Variants in RGL3 observed in about 807,000 individuals in gnomAD.
RGL3 encodes the protein ral guanine nucleotide dissociation stimulator like 3, also known as ral guanine nucleotide dissociation stimulator-like 3.
A neutral mutation model predicts 90.6 loss-of-function variants in RGL3; 85 were observed. That is an observed-to-expected ratio of 0.94 (90% CI 0.79 to 1.12). The LOEUF (loss-of-function observed/expected upper bound fraction) is 1.12. Ranked by LOEUF, RGL3 falls within the 50% of genes most tolerant of loss-of-function variation. The pLI is 0.00. For synonymous variants in RGL3, 408 were observed against 385.5 expected, an observed-to-expected ratio of 1.06 and a Z score of -0.68; for missense variants, 1,034 against 939.2, an observed-to-expected ratio of 1.10 and a Z score of -1.32.
rs774071925 is a variant in RGL3, at chr19:11,416,626, T to A, written c.413A>T (p.Asn138Ile). The change falls in exon 4 of 19, where the codon AAC (asparagine) becomes ATC (isoleucine). Residue 138 changes from asparagine to isoleucine, a missense_variant. Coordinates refer to ENST00000380456, the MANE Select transcript of RGL3 (RefSeq NM_001035223.4). ...KKTAVQDLSFNKNLRAVVSVL... is the reference protein window; with the variant it reads ...KKTAVQDLSFIKNLRAVVSVL... ...ATGAAGGACCCACCTCAGGTTCTTG[T>A]TGAAGCTCAGATCTTGTACCGCTGT... is the stretch of plus-strand genomic sequence containing the variant. 8.2e-5 allele frequency: 133 copies of A among 1,614,042 alleles called. 1 individual carries two copies. In the Admixed American group the frequency reaches 2.2e-3, roughly 27 times the overall value.
chr19:11,416,743 G>A lies in RGL3; in HGVS notation c.372-76C>T, dbSNP rs751602684. 11 of 1,589,454 alleles carry A rather than the reference G, an allele frequency of 6.9e-6. No individual in the cohort carries two copies. In the Admixed American group the frequency reaches 1.3e-4, roughly 19 times the overall value. ...TAGGAAGAGGGCTCTGGGTCTGGGA[G>A]GTGTTTCCAGGTTCCACACCTGAGG... On this transcript the variant is annotated intron_variant, in intron 3 of 18. Coordinates refer to ENST00000380456, the MANE Select transcript of RGL3 (RefSeq NM_001035223.4).
chr19:11,411,897 G>A (rs531729905), intron 5 of RGL3, among the ~76,000 whole-genome samples: 1 of 152,302 alleles, frequency 6.6e-6, no homozygotes, highest in East Asian at 1.9e-4. Flanking sequence ...TCGCCAGCAG[G>A]AGCCTCTGCA....
chr19:11,398,574 G>A (rs1968616825), intron 16 of RGL3, among the ~76,000 whole-genome samples: 2 of 152,080 alleles, frequency 1.3e-5, no homozygotes, highest in African/African-American at 4.8e-5. Context: ...TCAAATTCCT[G>A]GCCTCAAGTG....
At chr19:11,402,284 G>A (rs953820328) in intron 11 of RGL3, 37 bp from the exon 12 acceptor site, 1 of 1,611,250 alleles carries the variant, frequency 6.2e-7, no homozygotes, top group Non-Finnish European at 8.5e-7. Flanking sequence ...AGCACCCAGG[G>A]TCAAGGGTCA....
Position 11,419,255 on chromosome 19 carries a change from C to A in RGL3, c.24G>T (p.Glu8Asp). MERTAGKELALAPLQDWG... is the reference protein window; with the variant it reads MERTAGKDLALAPLQDWG... ...TCCCTTGTCCCCTTACCAGGGCCAG[C>A]TCTTTGCCTGCTGTGCGCTCCATGG... Residue 8 changes from glutamate (E) to aspartate (D), a missense_variant, in exon 1 of 19, where the codon GAG becomes GAT. Physicochemically the swap from Glu to Asp is conservative, Grantham distance 45. Coordinates refer to ENST00000380456, the MANE Select transcript of RGL3 (RefSeq NM_001035223.4). 1.3e-6 allele frequency: 2 copies of A among 1,592,898 alleles called. No homozygotes were observed. The highest frequency in any genetic ancestry group is 1.1e-5 in the South Asian group (1 of 89,024).
Position 11,406,554 on chromosome 19 carries a change from G to A in RGL3, c.861C>T (p.Ala287=), listed in dbSNP as rs543512974. ...CCACGGTGGCGCGCACAGTGGGGGA[G>A]GCGCCTGCAGCCCCCGGCCGGTCCC... ...SQRDRPGAAG[A]SPTVRATVAQ... Residue 287 remains alanine (A), a synonymous_variant, in exon 7 of 19, where the codon GCC becomes GCT. Coordinates refer to ENST00000380456, the MANE Select transcript of RGL3 (RefSeq NM_001035223.4). 193 of 1,550,004 alleles carry A rather than the reference G, an allele frequency of 1.2e-4. 1 individual carries two copies. In the South Asian group the frequency reaches 2.1e-3, roughly 17 times the overall value.
chr19:11,402,089 C>T lies in RGL3; in HGVS notation c.1406G>A (p.Cys469Tyr), dbSNP rs1968686384. Residue 469 changes from cysteine (C) to tyrosine (Y), a missense_variant, in exon 13 of 19, where the codon TGT (cysteine) becomes TAT (tyrosine). Physicochemically the swap from Cys to Tyr is radical, Grantham distance 194. Transcript: ENST00000380456. ...GTGGGGGCTCAGGGTGTAGCTCTGA[C>T]AGCGCCTCTGCAGCTGCTGGATGCG... ...LARIQQLQRR[C>Y]QSYTLSPHPP... 3 of 1,594,954 alleles carry T rather than the reference C, an allele frequency of 1.9e-6. No individual in the cohort carries two copies. In the South Asian group the frequency reaches 3.4e-5, roughly 18 times the overall value.
At chr19:11,402,778 C>A in intron 9 of RGL3, 72 bp from the exon 10 acceptor site, 1 of 1,308,516 alleles carries the variant, frequency 7.6e-7, no homozygotes, top group Non-Finnish European at 1.1e-6. Flanking sequence ...TGCCTGCAGA[C>A]CCATCATATA....
rs117928291 is a variant in RGL3 at position 11,416,584 on chromosome 19, C to T, written c.425+30G>A. ...CTTTGACCTCTTGGATTTCCCTCCC[C>T]GCACTCCCCTATCTGGATGAAGGAC... On this transcript the variant is annotated intron_variant, in intron 4 of 18. Coordinates refer to ENST00000380456, the MANE Select transcript of RGL3 (RefSeq NM_001035223.4). 1,480 of 1,608,174 alleles carry T rather than the reference C, an allele frequency of 9.2e-4. 4 individuals carry two copies. Among genetic ancestry groups the T allele is most frequent in the Non-Finnish European group, 1.2e-3 (1,380 of 1,174,662 alleles).
Position 11,400,040 on chromosome 19 carries a change from C to T in RGL3, c.1649G>A (p.Ser550Asn), listed in dbSNP as rs1359389839. ...TCCCATCACCAAGCAGAATGCTCAC[C>T]TGGAGGTGGGGGATGAGGGGTCCCC... ...SPGDPSSPTS[S>N]VSPGSPPSSP... The change falls in exon 15 of 19, where the codon AGT becomes AAT. Residue 550 changes from serine (S) to asparagine (N), a missense_variant and splice_region_variant. Physicochemically the swap from Ser to Asn is conservative, Grantham distance 46 (BLOSUM62 1). Transcript: ENST00000380456. The T allele has an allele frequency of 5.0e-6, 8 of 1,605,298 alleles. No individual in the cohort carries two copies. Among genetic ancestry groups the T allele is most frequent in the Non-Finnish European group, 5.9e-6 (7 of 1,177,396 alleles).
Position 11,405,181 on chromosome 19 carries a change from T to C in RGL3, c.1151A>G (p.Asn384Ser), listed in dbSNP as rs1247429514. 4 of 1,614,102 alleles carry C rather than the reference T, an allele frequency of 2.5e-6. No homozygotes were observed. Among genetic ancestry groups the C allele is most frequent in the African/African-American group, 1.3e-5 (1 of 75,028 alleles). ...RKLSQIFSDENNHLSSREILF... is the reference protein window; with the variant it reads ...RKLSQIFSDESNHLSSREILF... Reference sequence around the variant, plus strand: ...AATCTCTCTGCTGCTGAGGTGGTTGTTCTCATCGGAGAAAATCTGCGAAAG... The same window carrying C: ...AATCTCTCTGCTGCTGAGGTGGTTGCTCTCATCGGAGAAAATCTGCGAAAG... The change falls in exon 9 of 19, where the codon AAC becomes AGC. Residue 384 changes from asparagine to serine, a missense_variant. Transcript: ENST00000380456.
In RGL3 at chr19:11,397,524, G is replaced by A. The variant is rs371910024; in HGVS notation, c.1820C>T (p.Pro607Leu). 150 of 1,613,056 alleles carry A rather than the reference G, an allele frequency of 9.3e-5. No homozygotes were observed. The highest frequency in any genetic ancestry group is 7.3e-4 in the African/African-American group (55 of 74,914). ...ACGGGCCTCCGAGCTCTGCTGCGCC[G>A]GGAGGGGGATTCGAGGGCTGCCCAG... ...LPLGSPRIPL[P>L]AQQSSEARVI... The change falls in exon 17 of 19, where the codon CCG becomes CTG. Residue 607 changes from proline (P) to leucine (L), a missense_variant. By Grantham distance (98) the Pro-to-Leu change is moderately conservative (BLOSUM62 -3). Coordinates refer to ENST00000380456, the MANE Select transcript of RGL3 (RefSeq NM_001035223.4).
Position 11,400,311 on chromosome 19 carries a change from A to G in RGL3, c.1485-14T>C. On this transcript the variant is annotated splice_polypyrimidine_tract_variant and intron_variant, in intron 13 of 18. Transcript: ENST00000380456. Reference sequence around the variant, plus strand: ...GAGAGCCGGTAGCTGAGGGGTCAATATGTGGATGAGGTGGTGGGGGCAGGA... The same window carrying G: ...GAGAGCCGGTAGCTGAGGGGTCAATGTGTGGATGAGGTGGTGGGGGCAGGA... The G allele has an allele frequency of 6.4e-7, 1 of 1,563,310 alleles. No homozygotes were observed. Among genetic ancestry groups the G allele is most frequent in the South Asian group, 1.2e-5 (1 of 83,742 alleles).
At chr19:11,407,096 C>T (rs1968798256) in intron 5 of RGL3, among the ~76,000 whole-genome samples, 1 of 151,996 alleles carries the variant, frequency 6.6e-6, no homozygotes, top group African/African-American at 2.4e-5. Context: ...AGTGATTCTC[C>T]TGCCTCAGCC....
Position 11,397,263 on chromosome 19 carries a change from T to C in RGL3, c.1995A>G (p.Gln665=). The change falls in exon 18 of 19, where the codon CAA becomes CAG. Residue 665 remains glutamine (Q), a synonymous_variant. Coordinates refer to ENST00000380456, the MANE Select transcript of RGL3 (RefSeq NM_001035223.4). ...QPWACDYQLF[Q]VLPGDRVLLI... ...GCTCACCCCGGTCCCCAGGAAGGAC[T>C]TGAAAGAGCTGATAGTCACAGGCCC... 1 of 1,613,948 alleles carries C rather than the reference T, an allele frequency of 6.2e-7. No homozygotes were observed. The highest frequency in any genetic ancestry group is 8.5e-7 in the Non-Finnish European group (1 of 1,179,970).
At chr19:11,395,396 T>C (rs1468895745) in intron 18 of RGL3, among the ~76,000 whole-genome samples, 1 of 152,200 alleles carries the variant, frequency 6.6e-6, no homozygotes, top group African/African-American at 2.4e-5. Flanking sequence ...TGCTTCTCCC[T>C]GTCAGACAGG....
chr19:11,418,639 GCCCCGCGCCACCCACCAAA>G lies in RGL3; in HGVS notation c.147+13_147+31del, dbSNP rs1969045801. The G allele has an allele frequency of 6.7e-7, 1 of 1,497,464 alleles. No individual in the cohort carries two copies. 92.8% of individuals were successfully genotyped at this position (1,497,464 alleles called of 1,614,324 possible). Reference sequence around the variant, plus strand: ...CTCCGCCCTCAACTGGTCGCTTCCGGCCCCGCGCCACCCACCAAACCCCCTCCTCACCTGGCTGCCCCCG... The same window carrying G: ...CTCCGCCCTCAACTGGTCGCTTCCGGCCCCCTCCTCACCTGGCTGCCCCCG... On this transcript the variant is annotated intron_variant, in intron 2 of 18. Coordinates refer to ENST00000380456, the MANE Select transcript of RGL3 (RefSeq NM_001035223.4).
chr19:11,416,729 C>T (rs1297667765), intron 3 of RGL3, 62 bp from the exon 4 acceptor site: 3 of 1,598,286 alleles, frequency 1.9e-6, no homozygotes, highest in East Asian at 4.5e-5. Context: ...AGGAAGAGGG[C>T]TCTGGGTCTG....
rs117484085 is a variant in RGL3 at position 11,394,826 on chromosome 19, G to A, written c.2015-306C>T. 7.8e-3 allele frequency: 2,497 copies of A among 319,998 alleles called. 17 individuals are homozygous for A. The highest frequency in any genetic ancestry group is 0.011 in the Non-Finnish European group (1,859 of 164,752). The allele number at this position is 319,998 out of a possible 1,614,324, so 19.8% of individuals were successfully genotyped here. A position where few individuals can be genotyped will look rare whatever the true frequency, so the allele number is the denominator to read the frequency against. On this transcript the variant is annotated intron_variant, in intron 18 of 18. Transcript: ENST00000380456. ...GCAAACTGGCCGGGCGCGATGCCTC[G>A]TGCCTGTAATCCCAGCGCTTTGGGA...
Sources: gnomAD v4.1 joint callset for allele counts (sites outside exome capture counted in the v4.1 genomes callset) on GRCh38, gnomAD v4.1.1 for gene constraint, MANE v1.5 for transcripts, NCBI Gene and HGNC (gene_info 2026-07-23, HGNC 2026-07-21) for gene names.